Variants in ZNF385D observed in about 807,000 individuals in gnomAD.
The protein encoded by ZNF385D is zinc finger protein 385D, also known as zinc finger protein 659.
Under a neutral mutation model 35.8 loss-of-function variants are expected in ZNF385D, and 15 were observed. That is an observed-to-expected ratio of 0.42 (90% CI 0.28 to 0.64). ZNF385D has a LOEUF of 0.64. ZNF385D is among the 30% of genes least tolerant of loss of function. The probability of loss-of-function intolerance (pLI) is 0.23; values close to 1 mark genes in which losing one functional copy is unlikely to be tolerated. For synonymous variants in ZNF385D, 212 were observed against 186.8 expected (o/e 1.13, Z -1.10); for missense variants, 474 against 494.6 (o/e 0.96, Z 0.39).
chr3:21,684,787 TTAGC>T (rs531389720), intron 1 of ZNF385D, among the ~76,000 whole-genome samples: 3 of 152,248 alleles, frequency 2.0e-5, no homozygotes, highest in Admixed American at 6.5e-5. Context: ...TCTGAACATA[TTAGC>T]TAGTTAAGAA....
intron 2 of ZNF385D, among the ~76,000 whole-genome samples, chr3:22,241,483 A>G (rs1482094670): frequency 6.6e-6 from 1 of 151,184 alleles, no homozygotes; most frequent in Non-Finnish European, 1.5e-5. Context: ...CCACTGACTC[A>G]GTTTCCAAAT....
At chr3:21,870,694 T>C (rs992452588) in intron 3 of ZNF385D, among the ~76,000 whole-genome samples, 1 of 152,104 alleles carries the variant, frequency 6.6e-6, no homozygotes, top group Non-Finnish European at 1.5e-5. Context: ...TATAAACACT[T>C]TTATAGATAG....
intron 3 of ZNF385D, among the ~76,000 whole-genome samples, chr3:21,534,200 C>T (rs2061986203): frequency 6.6e-6 from 1 of 151,914 alleles, no homozygotes; most frequent in Non-Finnish European, 1.5e-5. Flanking sequence ...AATCCAAGTC[C>T]TTTATCTTTC....
At chr3:21,912,407 TAG>T (rs1700005189) in intron 3 of ZNF385D, among the ~76,000 whole-genome samples, 1 of 152,044 alleles carries the variant, frequency 6.6e-6, no homozygotes, top group Non-Finnish European at 1.5e-5. Flanking sequence ...TTACAATATT[TAG>T]AGAGACAAAA....
At chr3:22,370,260 C>A (rs960199273) in intron 2 of ZNF385D, among the ~76,000 whole-genome samples, 1 of 152,114 alleles carries the variant, frequency 6.6e-6, no homozygotes, top group Non-Finnish European at 1.5e-5. Context: ...TATAGTCACA[C>A]AAATATGATG....
At chr3:22,286,559 A>T (rs1260206716) in intron 2 of ZNF385D, among the ~76,000 whole-genome samples, 1 of 152,098 alleles carries the variant, frequency 6.6e-6, no homozygotes, top group Non-Finnish European at 1.5e-5. Flanking sequence ...CCCGCTTAGC[A>T]CTGTTTTTGA....
At chr3:22,110,539 C>CA (rs1193958783) in intron 3 of ZNF385D, among the ~76,000 whole-genome samples, 2 of 150,350 alleles carry the variant, frequency 1.3e-5, no homozygotes, top group East Asian at 2.0e-4. Flanking sequence ...ATCACAAGGA[C>CA]AAAAAACCAA....
At chr3:22,341,859 A>C (rs1225061321) in intron 2 of ZNF385D, among the ~76,000 whole-genome samples, 2 of 152,246 alleles carry the variant, frequency 1.3e-5, no homozygotes, top group Non-Finnish European at 2.9e-5. Context: ...AACTTATATT[A>C]ATGCCAGGCA....
intron 3 of ZNF385D, among the ~76,000 whole-genome samples, chr3:21,991,852 G>T (rs1353646878): frequency 6.6e-6 from 1 of 152,158 alleles, no homozygotes; most frequent in African/African-American, 2.4e-5. Context: ...GAATTTCAGT[G>T]ATATATGAGT....
chr3:21,508,720 G>A (rs1706971632), intron 4 of ZNF385D, among the ~76,000 whole-genome samples: 8 of 152,108 alleles, frequency 5.3e-5, no homozygotes, highest in Admixed American at 5.2e-4. Context: ...TTGAAATTCT[G>A]TTAAACTTCC....
intron 4 of ZNF385D, among the ~76,000 whole-genome samples, chr3:21,492,451 TC>T (rs1479504185): frequency 2.0e-5 from 3 of 147,406 alleles, no homozygotes; most frequent in Non-Finnish European, 4.5e-5. Flanking sequence ...GTCAATATAC[TC>T]CCATTTGATT....
chr3:21,445,374 C>T (rs970843650), intron 4 of ZNF385D, among the ~76,000 whole-genome samples: 1 of 152,176 alleles, frequency 6.6e-6, no homozygotes, highest in Non-Finnish European at 1.5e-5. Context: ...TAAGCTCGCC[C>T]TCAGAATACA....
At chr3:21,867,702 TG>T (rs1014600015) in intron 3 of ZNF385D, among the ~76,000 whole-genome samples, 1 of 151,382 alleles carries the variant, frequency 6.6e-6, no homozygotes, top group Admixed American at 6.6e-5. Context: ...TGCCTTTCAA[TG>T]TCTCAATGCC....
chr3:21,733,915 C>T (rs2069127521), intron 1 of ZNF385D, among the ~76,000 whole-genome samples: 1 of 152,058 alleles, frequency 6.6e-6, no homozygotes, highest in Admixed American at 6.6e-5. Flanking sequence ...TTGAGATTTA[C>T]TTTTTAATGT....
chr3:21,956,134 C>A (rs1702273554), intron 3 of ZNF385D, among the ~76,000 whole-genome samples: 1 of 151,746 alleles, frequency 6.6e-6, no homozygotes, highest in African/African-American at 2.4e-5. Context: ...CTGCAGTGAG[C>A]CGTGATCACA....
intron 4 of ZNF385D, among the ~76,000 whole-genome samples, chr3:21,448,260 A>G (rs1702260965): frequency 6.6e-6 from 1 of 152,192 alleles, no homozygotes; most frequent in African/African-American, 2.4e-5. Flanking sequence ...ATAGAAAAGG[A>G]AATGAGAAAA....
chr3:22,174,691 G>A (rs189950838), intron 2 of ZNF385D, among the ~76,000 whole-genome samples: 71 of 151,906 alleles, frequency 4.7e-4, no homozygotes, highest in Admixed American at 2.5e-3. Flanking sequence ...TTGGTTCAAC[G>A]GAAAATAAAA....
At chr3:21,661,284 G>A (rs1054098959) in intron 2 of ZNF385D, among the ~76,000 whole-genome samples, 1 of 152,092 alleles carries the variant, frequency 6.6e-6, no homozygotes. Context: ...CTGTACTCAA[G>A]CTAACATTCT....
chr3:21,765,797 T>C (rs530978155), intron 3 of ZNF385D, among the ~76,000 whole-genome samples: 4 of 151,996 alleles, frequency 2.6e-5, no homozygotes, highest in Non-Finnish European at 4.4e-5. Context: ...ACATCTTACA[T>C]GTAGGCTAGG....
Sources: allele counts gnomAD v4.1 joint callset (sites outside exome capture counted in the v4.1 genomes callset), GRCh38; gene constraint gnomAD v4.1.1; transcripts MANE v1.5; gene names NCBI Gene and HGNC (gene_info 2026-07-23, HGNC 2026-07-21).